Variants in MAST2 observed in about 807,000 individuals in gnomAD.
MAST2 encodes the protein microtubule-associated serine/threonine-protein kinase 2.
A neutral mutation model predicts 147.4 loss-of-function variants in MAST2; 70 were observed. The observed-to-expected ratio is 0.47, with a 90% CI of 0.39 to 0.58. MAST2 has a LOEUF of 0.58. MAST2 is among the 20% of genes least tolerant of loss of function. MAST2 has a pLI of 0.00. For synonymous variants in MAST2, 869 were observed against 896.8 expected, an observed-to-expected ratio of 0.97 and a Z score of 0.55; for missense variants, 2,080 against 2,302.3, an observed-to-expected ratio of 0.90 and a Z score of 1.98.
chr1:45,878,322 C>T (rs1019970822), intron 3 of MAST2, among the ~76,000 whole-genome samples: 5 of 151,828 alleles, frequency 3.3e-5, no homozygotes, highest in Non-Finnish European at 7.4e-5. Context: ...GTAAGCATTT[C>T]AGTAGATGCA....
At chr1:45,886,271 ATATT>A (rs954158862) in intron 4 of MAST2, among the ~76,000 whole-genome samples, 1 of 146,988 alleles carries the variant, frequency 6.8e-6, no homozygotes. Context: ...GTATACATAT[ATATT>A]TATATATTGT....
chr1:45,882,736 T>G (rs911900555), intron 4 of MAST2, among the ~76,000 whole-genome samples: 1 of 152,206 alleles, frequency 6.6e-6, no homozygotes, highest in African/African-American at 2.4e-5. Flanking sequence ...AATATTAAAA[T>G]GGAAACCCTT....
chr1:45,938,153 T>G (rs573386824), intron 4 of MAST2, among the ~76,000 whole-genome samples: 132 of 152,364 alleles, frequency 8.7e-4, no homozygotes, highest in Non-Finnish European at 1.7e-3. Context: ...TATTATTGGA[T>G]AGACCATATT....
At chr1:45,901,708 T>C (rs1649799415) in intron 4 of MAST2, among the ~76,000 whole-genome samples, 2 of 152,188 alleles carry the variant, frequency 1.3e-5, no homozygotes, top group African/African-American at 4.8e-5. Flanking sequence ...TCTTCTTGGT[T>C]AAATGTATTC....
rs1440330676 is a variant in MAST2, at chr1:46,010,742, A to G, written c.991A>G (p.Met331Val). The change falls in exon 10 of 29, where the codon ATG becomes GTG. Residue 331 changes from methionine to valine, a missense_variant. This residue lies in a region of MAST2 where 569 missense variants were observed against 642.5 expected (regional missense o/e 0.89). Transcript: ENST00000361297. The part of the protein sequence containing the change: ...KERFPKATAQ[M>V]EERLAEFISS... ...CTTTTCTTCCCAGGCCACCGCACAA[A>G]TGGAAGAGCGACTAGCAGAGTTTAT... The G allele has an allele frequency of 6.2e-7, 1 of 1,613,246 alleles. No individual in the cohort carries two copies. The highest frequency in any genetic ancestry group is 1.7e-5 in the Admixed American group (1 of 60,002).
chr1:45,874,798 A>T (rs1646532715), intron 3 of MAST2, among the ~76,000 whole-genome samples: 1 of 152,212 alleles, frequency 6.6e-6, no homozygotes, highest in Non-Finnish European at 1.5e-5. Context: ...AATTATAGTA[A>T]CCAGTGAAGT....
At chr1:46,019,373 G>A (rs1278721630) in intron 10 of MAST2, among the ~76,000 whole-genome samples, 1 of 152,182 alleles carries the variant, frequency 6.6e-6, no homozygotes, top group Admixed American at 6.5e-5. Flanking sequence ...CTGTATGTCT[G>A]TGTGGCATTT....
At chr1:45,933,063 T>TAA (rs61544126) in intron 4 of MAST2, among the ~76,000 whole-genome samples, 24,851 of 88,098 alleles carry the variant, frequency 0.28, 3,805 homozygotes, top group East Asian at 0.48. Context: ...CCCATTTCTT[T>TAA]AAAAAAAAAA....
intron 1 of MAST2, among the ~76,000 whole-genome samples, chr1:45,807,246 G>A (rs1240125583): frequency 6.6e-6 from 1 of 151,892 alleles, no homozygotes; most frequent in Admixed American, 6.6e-5. Context: ...CTGCTCTCTT[G>A]TGTGTCTTTG....
Position 46,034,060 on chromosome 1 carries a change from C to T in MAST2, c.3675-13C>T. 1.2e-6 allele frequency: 2 copies of T among 1,611,136 alleles called. No individual in the cohort carries two copies. Among genetic ancestry groups the T allele is most frequent in the Non-Finnish European group, 1.7e-6 (2 of 1,178,488 alleles). On this transcript the variant is annotated splice_polypyrimidine_tract_variant and intron_variant, in intron 27 of 28. Coordinates refer to ENST00000361297, the MANE Select transcript of MAST2 (RefSeq NM_015112.3). ...CACTGCACCGACTCAGCCTTTGACC[C>T]TTATCCCCGCAGCAGAAAAAGGAGC...
chr1:45,833,283 T>C (rs1001231934), intron 3 of MAST2, among the ~76,000 whole-genome samples: 1 of 152,218 alleles, frequency 6.6e-6, no homozygotes, highest in Non-Finnish European at 1.5e-5. Flanking sequence ...ATCATGATCC[T>C]AATTAGTGAT....
At chr1:45,976,877 T>G (rs927766089) in intron 5 of MAST2, among the ~76,000 whole-genome samples, 2 of 152,184 alleles carry the variant, frequency 1.3e-5, no homozygotes, top group African/African-American at 4.8e-5. Context: ...AGATAAGGAA[T>G]ACTAATAGGA....
intron 4 of MAST2, among the ~76,000 whole-genome samples, chr1:45,953,633 G>C (rs150114572): frequency 6.6e-6 from 1 of 152,316 alleles, no homozygotes; most frequent in Non-Finnish European, 1.5e-5. Context: ...GTAGTTGAAG[G>C]AAGGACATTG....
intron 3 of MAST2, among the ~76,000 whole-genome samples, chr1:45,875,407 C>G (rs1030296981): frequency 6.6e-6 from 1 of 152,150 alleles, no homozygotes; most frequent in Non-Finnish European, 1.5e-5. Flanking sequence ...GATCGCGCCA[C>G]TGCACTCCAG....
At chr1:46,024,844 G>A (rs1646336087) in intron 15 of MAST2, among the ~76,000 whole-genome samples, 1 of 152,146 alleles carries the variant, frequency 6.6e-6, no homozygotes, top group African/African-American at 2.4e-5. Flanking sequence ...CATACCCTGT[G>A]TATTTTCATG....
chr1:46,030,346 A>G, intron 21 of MAST2, 108 bp downstream of exon 21: 1 of 1,112,372 alleles, frequency 9.0e-7, no homozygotes. Context: ...GGTTGGGGCC[A>G]CCTCTAGAAA....
intron 3 of MAST2, among the ~76,000 whole-genome samples, chr1:45,861,881 G>C (rs936875022): frequency 4.6e-5 from 7 of 152,156 alleles, no homozygotes; most frequent in African/African-American, 1.7e-4. Flanking sequence ...AAGGGTACCA[G>C]TTGACTTCAA....
chr1:46,027,913 C>T (rs1646483731), intron 17 of MAST2, 50 bp downstream of exon 17: 1 of 1,605,374 alleles, frequency 6.2e-7, no homozygotes, highest in South Asian at 1.1e-5. Context: ...GGCCCTTGTC[C>T]TGGCGCAGTG....
At chr1:45,938,922 A>T (rs917087902) in intron 4 of MAST2, among the ~76,000 whole-genome samples, 2 of 151,694 alleles carry the variant, frequency 1.3e-5, no homozygotes, top group East Asian at 3.9e-4. Flanking sequence ...TTAAATATTG[A>T]GCCTTGAGTT....
Sources: allele counts gnomAD v4.1 joint callset (sites outside exome capture counted in the v4.1 genomes callset), GRCh38; gene constraint gnomAD v4.1.1; regional missense constraint gnomAD v4.1.1; transcripts MANE v1.5; gene names NCBI Gene and HGNC (gene_info 2026-07-23, HGNC 2026-07-21).